The following CDH12 variants were observed in gnomAD, a reference collection of about 807,000 sequenced individuals.
CDH12 encodes the protein cadherin 12, also known as cadherin-12.
In CDH12, 41 loss-of-function variants were observed where a neutral mutation model predicts 74.1. The observed-to-expected ratio is 0.55, with a 90% CI of 0.43 to 0.72. CDH12 has a LOEUF of 0.72. Ranked by LOEUF, CDH12 falls within the 30% of genes least tolerant of loss-of-function variation. CDH12 has a pLI of 0.00. For missense variants in CDH12, 945 were observed against 977.2 expected (o/e 0.97, Z 0.44); for synonymous variants, 399 against 355.0 (o/e 1.12, Z -1.39).
At chr5:22,227,056 C>T (rs900880000) in intron 3 of CDH12, among the ~76,000 whole-genome samples, 1 of 151,990 alleles carries the variant, frequency 6.6e-6, no homozygotes, top group Non-Finnish European at 1.5e-5. Flanking sequence ...TATTCTTATT[C>T]CATTTTAATT....
At chr5:22,773,097 C>T (rs1212813152) in intron 1 of CDH12, among the ~76,000 whole-genome samples, 1 of 151,982 alleles carries the variant, frequency 6.6e-6, no homozygotes, top group African/African-American at 2.4e-5. Context: ...TCTACAGATG[C>T]ATTGTTATTC....
At chr5:22,731,455 A>G (rs1294130790) in intron 1 of CDH12, among the ~76,000 whole-genome samples, 2 of 151,872 alleles carry the variant, frequency 1.3e-5, no homozygotes, top group Non-Finnish European at 2.9e-5. Context: ...GAAGTCATAT[A>G]TAGAACTCAA....
At chr5:21,864,095 A>G (rs938381139) in intron 6 of CDH12, among the ~76,000 whole-genome samples, 3 of 151,900 alleles carry the variant, frequency 2.0e-5, no homozygotes, top group Admixed American at 6.6e-5. Context: ...TAAAAAAGGC[A>G]TTATGCAGCA....
At chr5:21,984,504 T>C (rs1757433265) in intron 5 of CDH12, among the ~76,000 whole-genome samples, 1 of 152,158 alleles carries the variant, frequency 6.6e-6, no homozygotes, top group Non-Finnish European at 1.5e-5. Flanking sequence ...GCCCTCTCAG[T>C]GTAAACACTC....
At chr5:22,046,769 TTCAGAC>T (rs1178392572) in intron 5 of CDH12, among the ~76,000 whole-genome samples, 1 of 152,144 alleles carries the variant, frequency 6.6e-6, no homozygotes, top group Non-Finnish European at 1.5e-5. Context: ...TTCCTTATGG[TTCAGAC>T]TCATTTATTT....
rs559007737 is a variant in CDH12, at chr5:21,951,584, T to C, written c.526+23507A>G. On this transcript the variant is annotated intron_variant, in intron 6 of 14. Coordinates refer to ENST00000382254, the MANE Select transcript of CDH12 (RefSeq NM_004061.5). Reference sequence around the variant, plus strand: ...TATTTATAAGCTCTACCTTCTTTCTTGGAGAAATGACTTTATAATTTCACT... The same window carrying C: ...TATTTATAAGCTCTACCTTCTTTCTCGGAGAAATGACTTTATAATTTCACT... Among the ~76,000 whole-genome samples the C allele has an allele frequency of 7.1e-3, 1,075 of 152,332 alleles. 12 individuals are homozygous for C. The highest frequency in any genetic ancestry group is 0.024 in the African/African-American group (1,018 of 41,574).
At chr5:22,067,973 G>T (rs540078654) in intron 5 of CDH12, among the ~76,000 whole-genome samples, 3 of 151,890 alleles carry the variant, frequency 2.0e-5, no homozygotes, top group Admixed American at 6.6e-5. Context: ...GTGAGACTCT[G>T]TCTCAAAATA....
At chr5:22,317,135 C>T (rs368260760) in intron 3 of CDH12, among the ~76,000 whole-genome samples, 3 of 151,934 alleles carry the variant, frequency 2.0e-5, no homozygotes, top group East Asian at 1.9e-4. Flanking sequence ...CTGGCCAACA[C>T]GGTGAAACCC....
chr5:22,480,784 G>C (rs1305504777), intron 2 of CDH12, among the ~76,000 whole-genome samples: 1 of 152,130 alleles, frequency 6.6e-6, no homozygotes, highest in African/African-American at 2.4e-5. Context: ...AACAGGCAGA[G>C]AGATTACCCC....
intron 1 of CDH12, among the ~76,000 whole-genome samples, chr5:22,666,282 C>CCTTTTTTTTTTTTTTTT (rs1740610193): frequency 1.2e-5 from 1 of 83,532 alleles, no homozygotes; most frequent in African/African-American, 4.7e-5. Context: ...ATCTCTCTAT[C>CCTTTTTTTTTTTTTTTT]TTTTTTTTTT....
At chr5:22,819,146 C>T (rs915877464) in intron 1 of CDH12, among the ~76,000 whole-genome samples, 8 of 152,006 alleles carry the variant, frequency 5.3e-5, no homozygotes, top group African/African-American at 1.4e-4. Context: ...AGCATAAAAT[C>T]GAATTAGCAT....
chr5:22,835,680 C>T (rs1248502484), intron 1 of CDH12, among the ~76,000 whole-genome samples: 1 of 152,106 alleles, frequency 6.6e-6, no homozygotes, highest in Non-Finnish European at 1.5e-5. Context: ...TAGAATCCTC[C>T]ACTAACAAAC....
intron 5 of CDH12, among the ~76,000 whole-genome samples, chr5:22,032,813 T>C (rs1185243881): frequency 6.7e-6 from 1 of 148,744 alleles, no homozygotes; most frequent in Non-Finnish European, 1.5e-5. Context: ...AGTGTGTATA[T>C]ATACACACAC....
chr5:21,801,557 T>C (rs1404420706), intron 10 of CDH12, among the ~76,000 whole-genome samples: 1 of 151,996 alleles, frequency 6.6e-6, no homozygotes, highest in Non-Finnish European at 1.5e-5. Context: ...TGAGAGAGAG[T>C]GACAGTGGGA....
At chr5:22,059,523 A>T (rs904106959) in intron 5 of CDH12, among the ~76,000 whole-genome samples, 2 of 152,140 alleles carry the variant, frequency 1.3e-5, no homozygotes, top group African/African-American at 4.8e-5. Context: ...CATTGCTCCA[A>T]TACTACCAAT....
chr5:22,151,416 A>C (rs1747574151), intron 4 of CDH12, among the ~76,000 whole-genome samples: 1 of 152,220 alleles, frequency 6.6e-6, no homozygotes. Flanking sequence ...TTTATAAATA[A>C]TCAAAGGATC....
At chr5:21,923,859 C>T (rs1479468162) in intron 6 of CDH12, among the ~76,000 whole-genome samples, 1 of 152,056 alleles carries the variant, frequency 6.6e-6, no homozygotes, top group African/African-American at 2.4e-5. Context: ...TCGCCATTGA[C>T]AGGAATAAAT....
At chr5:22,664,488 G>T (rs957372165) in intron 1 of CDH12, among the ~76,000 whole-genome samples, 34 of 152,110 alleles carry the variant, frequency 2.2e-4, no homozygotes, top group African/African-American at 7.2e-4. Flanking sequence ...GGGGAAAACT[G>T]CCCCTGTGAT....
intron 1 of CDH12, among the ~76,000 whole-genome samples, chr5:22,612,035 A>T (rs1022834474): frequency 6.6e-6 from 1 of 152,198 alleles, no homozygotes; most frequent in Non-Finnish European, 1.5e-5. Flanking sequence ...AAAGATAATT[A>T]AAAACATTTG....
Sources: gnomAD v4.1 joint callset for allele counts (sites outside exome capture counted in the v4.1 genomes callset) on GRCh38, gnomAD v4.1.1 for gene constraint, MANE v1.5 for transcripts, NCBI Gene and HGNC (gene_info 2026-07-23, HGNC 2026-07-21) for gene names.